BCAS4: variants seen among roughly 807,000 people sequenced by gnomAD.
BCAS4 encodes the protein breast carcinoma-amplified sequence 4.
A neutral mutation model predicts 15.7 loss-of-function variants in BCAS4; 9 were observed. The ratio of observed to expected loss-of-function variants is 0.57; its 90% CI spans 0.34 to 1.00. The LOEUF (loss-of-function observed/expected upper bound fraction) is 1.00. BCAS4 is among the 50% of genes least tolerant of loss of function. The pLI is 0.02. For missense variants in BCAS4, 225 were observed against 239.1 expected (o/e 0.94, Z 0.39); for synonymous variants, 101 against 99.5 (o/e 1.02, Z -0.09).
chr20:50,821,240 A>G (rs1272133384), intron 2 of BCAS4, among the ~76,000 whole-genome samples: 1 of 152,262 alleles, frequency 6.6e-6, no homozygotes, highest in Non-Finnish European at 1.5e-5. Flanking sequence ...CCCATGTTCC[A>G]AGAAATGGAA....
At chr20:50,859,481 A>G (rs1275812342) in intron 4 of BCAS4, among the ~76,000 whole-genome samples, 2 of 151,832 alleles carry the variant, frequency 1.3e-5, no homozygotes. Flanking sequence ...AGGAGGAGAC[A>G]GGGGCCAGGG....
At chr20:50,871,796 A>T (rs6096134) in intron 4 of BCAS4, among the ~76,000 whole-genome samples, 5 of 151,920 alleles carry the variant, frequency 3.3e-5, no homozygotes, top group African/African-American at 1.2e-4. Context: ...TCCCTGTCCC[A>T]GTAGCAAGAA....
intron 4 of BCAS4, among the ~76,000 whole-genome samples, chr20:50,875,268 G>A (rs1482771857): frequency 6.6e-6 from 1 of 152,212 alleles, no homozygotes; most frequent in African/African-American, 2.4e-5. Flanking sequence ...GGTTTTTCCT[G>A]GAGATGCTCA....
In BCAS4 at chr20:50,816,719, C is replaced by T. The variant is rs893938363; in HGVS notation, c.91-1492C>T. Among the ~76,000 whole-genome samples, 4 of 149,422 alleles carry T rather than the reference C, an allele frequency of 2.7e-5. No individual in the cohort carries two copies. In the East Asian group the frequency reaches 8.0e-4, roughly 30 times the overall value. On this transcript the variant is annotated intron_variant, in intron 1 of 4. Coordinates refer to ENST00000371608, the MANE Select transcript of BCAS4 (RefSeq NM_198799.4). ...TCGCCCAGCCTGGAGTGCAGTGGTG[C>T]GATCACTGCTTACTGCAGCCTCAGC... is the stretch of plus-strand genomic sequence containing the variant.
intron 4 of BCAS4, among the ~76,000 whole-genome samples, chr20:50,852,302 C>T (rs528297857): frequency 3.0e-4 from 45 of 152,226 alleles, no homozygotes; most frequent in Admixed American, 1.5e-3. Context: ...GCAGGGGAGG[C>T]GGGGCCCTCA....
Position 50,818,249 on chromosome 20 carries a change from C to T in BCAS4, c.129C>T (p.Leu43=), listed in dbSNP as rs200095102. The T allele has an allele frequency of 1.6e-4, 262 of 1,613,868 alleles. No homozygotes were observed. The highest frequency in any genetic ancestry group is 2.1e-4 in the Non-Finnish European group (244 of 1,180,000). The stretch of plus-strand genomic sequence containing the variant: ...AGGAGACCATCGAGGGCATGCTCCT[C>T]AGGCTGGAAGAGTTTTGCAGCCTGG... The part of the protein sequence containing the change: ...EVEETIEGML[L]RLEEFCSLAD... The change falls in exon 2 of 5, where the codon CTC becomes CTT. Residue 43 remains leucine (L), a synonymous_variant. Transcript: ENST00000371608.
downstream of BCAS4, chr20:50,880,258 C>G (rs2122706868): frequency 6.6e-6 from 1 of 152,392 alleles, no homozygotes; most frequent in Admixed American, 6.5e-5. Flanking sequence ...TTGGAAACAT[C>G]TGGGGAGAAG....
At chr20:50,863,113 AGC>A (rs1015462151) in intron 4 of BCAS4, among the ~76,000 whole-genome samples, 3 of 151,552 alleles carry the variant, frequency 2.0e-5, no homozygotes, top group African/African-American at 7.3e-5. Context: ...TACAGGCATG[AGC>A]CACCATGCCT....
chr20:50,794,918 C>A, upstream of BCAS4: 1 of 1,039,476 alleles, frequency 9.6e-7, no homozygotes, highest in Non-Finnish European at 1.2e-6. Context: ...GCCCGCTCGG[C>A]CCGGCGCTCC....
At chr20:50,842,822 C>T (rs2088501816) in intron 4 of BCAS4, among the ~76,000 whole-genome samples, 1 of 152,204 alleles carries the variant, frequency 6.6e-6, no homozygotes, top group Admixed American at 6.5e-5. Context: ...TGACTTGCCC[C>T]CTTCACAGGA....
intron 4 of BCAS4, among the ~76,000 whole-genome samples, chr20:50,869,910 A>G (rs1979550241): frequency 6.6e-6 from 1 of 151,816 alleles, no homozygotes; most frequent in Admixed American, 6.6e-5. Context: ...CACCACACCC[A>G]GCTAATTTTT....
chr20:50,867,460 C>G (rs1349336785), intron 4 of BCAS4, among the ~76,000 whole-genome samples: 1 of 152,158 alleles, frequency 6.6e-6, no homozygotes, highest in Admixed American at 6.5e-5. Context: ...AATCCTCCCA[C>G]CTCAGCCTCT....
At chr20:50,812,434 T>C (rs1453180450) in intron 1 of BCAS4, among the ~76,000 whole-genome samples, 1 of 136,632 alleles carries the variant, frequency 7.3e-6, no homozygotes, top group African/African-American at 2.8e-5. Flanking sequence ...GCGTCTGGCC[T>C]TTTTTTTTTT....
chr20:50,817,751 C>CT (rs1444496263), intron 1 of BCAS4, among the ~76,000 whole-genome samples: 1 of 152,034 alleles, frequency 6.6e-6, no homozygotes, highest in African/African-American at 2.4e-5. Flanking sequence ...CTGACACCGT[C>CT]TGCAGCTTGC....
intron 4 of BCAS4, among the ~76,000 whole-genome samples, chr20:50,846,076 G>A (rs887960217): frequency 2.6e-5 from 4 of 152,214 alleles, no homozygotes; most frequent in South Asian, 2.1e-4. Flanking sequence ...CTCCACAGAC[G>A]GAGCCAGCCT....
At chr20:50,797,763 T>C (rs1279804573) in intron 1 of BCAS4, among the ~76,000 whole-genome samples, 1 of 151,928 alleles carries the variant, frequency 6.6e-6, no homozygotes. Context: ...CCTCCTGGGT[T>C]CAAACGATTC....
chr20:50,862,204 C>T (rs1486155750), intron 4 of BCAS4, among the ~76,000 whole-genome samples: 3 of 151,938 alleles, frequency 2.0e-5, no homozygotes, highest in Non-Finnish European at 1.5e-5. Context: ...TTTTCCCCTC[C>T]TTTCCATCTG....
Position 50,799,557 on chromosome 20 carries a change from G to A in BCAS4, c.90+4384G>A, listed in dbSNP as rs112224620. ...CCTCCTCCCAACCAGCCTGTCTCCC[G>A]GGGGCACTTTTGCCGCTTCCATGGA... On this transcript the variant is annotated intron_variant, in intron 1 of 4. Transcript: ENST00000371608. Among the ~76,000 whole-genome samples, 1,003 of 152,242 alleles carry A rather than the reference G, an allele frequency of 6.6e-3. 6 individuals are homozygous for A. Among genetic ancestry groups the A allele is most frequent in the African/African-American group, 0.023 (963 of 41,550 alleles).
intron 4 of BCAS4, among the ~76,000 whole-genome samples, chr20:50,845,791 G>A (rs1015883493): frequency 1.3e-5 from 2 of 152,260 alleles, no homozygotes; most frequent in Admixed American, 6.5e-5. Context: ...GGTGGGACAA[G>A]GATATTGGGT....
Sources: allele counts gnomAD v4.1 joint callset (sites outside exome capture counted in the v4.1 genomes callset), GRCh38; gene constraint gnomAD v4.1.1; transcripts MANE v1.5; gene names NCBI Gene and HGNC (gene_info 2026-07-23, HGNC 2026-07-21).